CNIH3: variants seen among roughly 807,000 people sequenced by gnomAD.
CNIH3 encodes cornichon family AMPA receptor auxiliary protein 3, also known as protein cornichon homolog 3.
CNIH3 carries 14 observed loss-of-function variants against 24.1 expected under a neutral mutation model. The ratio of observed to expected loss-of-function variants is 0.58; its 90% confidence interval spans 0.38 to 0.91. CNIH3 has a LOEUF of 0.91. CNIH3 is among the 40% of genes least tolerant of loss of function. The probability of loss-of-function intolerance (pLI) is 0.00; values close to 1 mark genes in which losing one functional copy is unlikely to be tolerated. For missense variants in CNIH3, 178 were observed against 196.8 expected (o/e 0.90, Z 0.57); for synonymous variants, 68 against 73.8 (o/e 0.92, Z 0.40).
intron 1 of CNIH3, among the ~76,000 whole-genome samples, chr1:224,508,038 C>T (rs1237595476): frequency 6.6e-6 from 1 of 152,172 alleles, no homozygotes; most frequent in Non-Finnish European, 1.5e-5. Flanking sequence ...TCTGCCATGC[C>T]AGAGTAGTGA....
intron 1 of CNIH3, among the ~76,000 whole-genome samples, chr1:224,441,256 A>T (rs530847599): frequency 1.3e-4 from 20 of 152,234 alleles, no homozygotes; most frequent in Admixed American, 2.0e-4. Context: ...AAATGTTCAT[A>T]ATAAAAACAT....
At chr1:224,681,403 C>A (rs780673085) in intron 2 of CNIH3, among the ~76,000 whole-genome samples, 6 of 152,200 alleles carry the variant, frequency 3.9e-5, no homozygotes, top group Non-Finnish European at 8.8e-5. Context: ...GCTGCACTCT[C>A]CACCTGGGCA....
At chr1:224,628,682 A>G (rs1362697663) in intron 1 of CNIH3, among the ~76,000 whole-genome samples, 1 of 152,026 alleles carries the variant, frequency 6.6e-6, no homozygotes. Context: ...CCCACGCCCA[A>G]CCATCTGAAT....
chr1:224,502,235 G>A (rs914890975), intron 1 of CNIH3, among the ~76,000 whole-genome samples: 4 of 152,122 alleles, frequency 2.6e-5, no homozygotes, highest in Admixed American at 1.3e-4. Flanking sequence ...ATTAGGGGCC[G>A]AAACAAACAT....
downstream of CNIH3, among the ~76,000 whole-genome samples, chr1:224,592,723 G>C (rs1681811369): frequency 6.6e-6 from 1 of 152,162 alleles, no homozygotes; most frequent in Non-Finnish European, 1.5e-5. Flanking sequence ...ATCTAGTTTT[G>C]ACAGCTGAAG....
intron 1 of CNIH3, among the ~76,000 whole-genome samples, chr1:224,642,235 G>GT (rs993213309): frequency 7.2e-5 from 11 of 151,892 alleles, no homozygotes; most frequent in African/African-American, 1.2e-4. Flanking sequence ...TGCAGATACT[G>GT]TTTTTTTTCC....
chr1:224,526,832 A>G (rs868843959), intron 2 of CNIH3, among the ~76,000 whole-genome samples: 2 of 152,234 alleles, frequency 1.3e-5, no homozygotes, highest in Middle Eastern at 3.4e-3. Flanking sequence ...GAAGCTTCCA[A>G]TTATGGTGGA....
chr1:224,557,105 G>T (rs948240583), intron 3 of CNIH3, among the ~76,000 whole-genome samples: 1 of 152,116 alleles, frequency 6.6e-6, no homozygotes, highest in Non-Finnish European at 1.5e-5. Flanking sequence ...GTACTGGTGC[G>T]ATCACAGCTC....
chr1:224,463,923 T>C (rs1264347236), intron 1 of CNIH3, among the ~76,000 whole-genome samples: 2 of 151,538 alleles, frequency 1.3e-5, no homozygotes, highest in African/African-American at 4.9e-5. Context: ...CCCGAGTAGC[T>C]GGGACTACAG....
chr1:224,506,577 C>T (rs998640533), intron 1 of CNIH3, among the ~76,000 whole-genome samples: 3 of 152,158 alleles, frequency 2.0e-5, no homozygotes, highest in Admixed American at 6.5e-5. Flanking sequence ...GAGATTGCAT[C>T]GTCCCTGTTC....
rs1462360430 is a variant in CNIH3 at position 224,740,166 on chromosome 1, T to G, written c.*810T>G. 1 of 152,142 alleles carries G rather than the reference T, an allele frequency of 6.6e-6. No individual in the cohort carries two copies. Among genetic ancestry groups the G allele is most frequent in the Non-Finnish European group, 1.5e-5 (1 of 68,036 alleles). The allele number at this position is 152,142 out of a possible 1,614,324, so 9.4% of individuals were successfully genotyped here. The stretch of plus-strand genomic sequence containing the variant: ...TCAGAGCTCAGAAAATCCTGTGGAG[T>G]GGCTGCTCTGTACCGTGGGCATCCG... On this transcript the variant is annotated 3_prime_UTR_variant, in exon 6 of 6. Transcript: ENST00000272133.
chr1:224,498,020 G>C (rs1383496737), intron 1 of CNIH3, among the ~76,000 whole-genome samples: 1 of 152,212 alleles, frequency 6.6e-6, no homozygotes, highest in Non-Finnish European at 1.5e-5. Flanking sequence ...GAAAAGCTCA[G>C]AAGGAGGAAG....
At chr1:224,566,907 T>C (rs1333000195) in intron 4 of CNIH3, among the ~76,000 whole-genome samples, 1 of 152,200 alleles carries the variant, frequency 6.6e-6, no homozygotes. Flanking sequence ...CTGGGTCAAA[T>C]GGTATTTCTA....
chr1:224,731,113 G>A (rs1397728100), intron 4 of CNIH3, among the ~76,000 whole-genome samples: 2 of 152,130 alleles, frequency 1.3e-5, no homozygotes, highest in African/African-American at 4.8e-5. Flanking sequence ...TGAGAATAGG[G>A]AATGACTGCT....
At chr1:224,600,078 T>C (rs987521355) in intron 3 of CNIH3, among the ~76,000 whole-genome samples, 4 of 152,238 alleles carry the variant, frequency 2.6e-5, no homozygotes, top group Non-Finnish European at 5.9e-5. Context: ...ATAGGTATTA[T>C]TTCTTAATGC....
intron 3 of CNIH3, among the ~76,000 whole-genome samples, chr1:224,610,638 A>G (rs889835860): frequency 2.0e-5 from 3 of 152,230 alleles, no homozygotes; most frequent in African/African-American, 7.2e-5. Context: ...GCAGTGTGAA[A>G]ACAGACTAAT....
chr1:224,525,775 A>G (rs1340057358), intron 2 of CNIH3, among the ~76,000 whole-genome samples: 1 of 152,168 alleles, frequency 6.6e-6, no homozygotes. Context: ...GGGAGTACGA[A>G]TGGAAGGAGC....
At chr1:224,642,865 G>A (rs970064922) in intron 1 of CNIH3, among the ~76,000 whole-genome samples, 1 of 152,206 alleles carries the variant, frequency 6.6e-6, no homozygotes, top group African/African-American at 2.4e-5. Flanking sequence ...AGTAAGATGC[G>A]AGAGAGCTAG....
intron 3 of CNIH3, among the ~76,000 whole-genome samples, chr1:224,710,658 T>C (rs1688088823): frequency 6.6e-6 from 1 of 152,222 alleles, no homozygotes; most frequent in Non-Finnish European, 1.5e-5. Flanking sequence ...GTATTTGCTA[T>C]GTGCCAAGGA....
Sources: allele counts gnomAD v4.1 joint callset (sites outside exome capture counted in the v4.1 genomes callset), GRCh38; gene constraint gnomAD v4.1.1; transcripts MANE v1.5; gene names NCBI Gene and HGNC (gene_info 2026-07-23, HGNC 2026-07-21).